The following AOPEP variants were observed in gnomAD, a reference collection of about 807,000 sequenced individuals.
AOPEP encodes the protein aminopeptidase O (putative), also known as aminopeptidase O.
In AOPEP, 77 loss-of-function variants were observed where a neutral mutation model predicts 98.1. The observed-to-expected ratio is 0.78, with a 90% confidence interval of 0.65 to 0.95. AOPEP has a LOEUF of 0.95. AOPEP is among the 40% of genes least tolerant of loss of function. The pLI is 0.00. For synonymous variants in AOPEP, 346 were observed against 365.3 expected, an observed-to-expected ratio of 0.95 and a Z score of 0.60; for missense variants, 1,024 against 1,024.7, an observed-to-expected ratio of 1.00 and a Z score of 0.01.
At chr9:94,925,434 T>C (rs949555178) in intron 6 of AOPEP, among the ~76,000 whole-genome samples, 2 of 152,266 alleles carry the variant, frequency 1.3e-5, no homozygotes, top group Admixed American at 6.5e-5. Flanking sequence ...AAATCTTATT[T>C]ATTTTTCACT....
the AOPEP span, among the ~76,000 whole-genome samples, chr9:95,116,234 C>T: frequency 3.3e-5 from 5 of 152,360 alleles, no homozygotes; most frequent in Admixed American, 6.5e-5. Context: ...TTAGGCTTTG[C>T]TGATCTGACC....
chr9:95,014,303 GAAAAAA>G (rs997841535), intron 13 of AOPEP, among the ~76,000 whole-genome samples: 1 of 147,544 alleles, frequency 6.8e-6, no homozygotes, highest in African/African-American at 2.5e-5. Flanking sequence ...CCCATCTCTA[GAAAAAA>G]AAAAGAACAC....
intron 5 of AOPEP, among the ~76,000 whole-genome samples, chr9:94,886,355 A>G (rs2048239061): frequency 6.6e-6 from 1 of 152,234 alleles, no homozygotes; most frequent in Admixed American, 6.5e-5. Flanking sequence ...GCTTTAGAAA[A>G]GATACCTATA....
intron 11 of AOPEP, among the ~76,000 whole-genome samples, chr9:95,003,082 T>C (rs2061667304): frequency 6.6e-6 from 1 of 152,056 alleles, no homozygotes; most frequent in African/African-American, 2.4e-5. Context: ...CAAGACAGGG[T>C]TTCCAGGTCT....
chr9:94,754,792 G>A (rs115952155), intron 1 of AOPEP, among the ~76,000 whole-genome samples: 2,474 of 152,306 alleles, frequency 0.016, 70 homozygotes, highest in African/African-American at 0.056. Flanking sequence ...AGTTAGAATC[G>A]TGAGGATACA....
intron 4 of AOPEP, among the ~76,000 whole-genome samples, chr9:94,794,577 G>C (rs1846490660): frequency 6.6e-6 from 1 of 151,718 alleles, no homozygotes. Flanking sequence ...TTCCTTTTTT[G>C]GCAGAAGGGA....
In AOPEP at chr9:95,005,220, G is replaced by T. The variant is rs757519991; in HGVS notation, c.2040G>T (p.Glu680Asp). 5 of 1,106,752 alleles carry T rather than the reference G, an allele frequency of 4.5e-6. No individual in the cohort carries two copies. The highest frequency in any genetic ancestry group is 1.7e-5 in the African/African-American group (1 of 59,986). The allele number at this position is 1,106,752 out of a possible 1,614,324, so 68.6% of individuals were successfully genotyped here. ...ECGLARQVRA[E>D]VTKWIGVNRR... ...GGCTTGCGCGGCAAGTGCGCGCCGA[G>T]GTGAGTGCGGGCGGCGCGGTCCCTG... Residue 680 changes from glutamate (E) to aspartate (D), a missense_variant and splice_region_variant, in exon 12 of 17, where the codon GAG (glutamate) becomes GAT (aspartate). By Grantham distance (45) the Glu-to-Asp change is conservative (BLOSUM62 2). Around this residue, in one of 3 missense-constraint regions of AOPEP, gnomAD observed 566 missense variants for 551.7 expected, o/e 1.03. Transcript: ENST00000375315.
the AOPEP span, among the ~76,000 whole-genome samples, chr9:95,132,087 C>T: frequency 6.6e-6 from 1 of 152,202 alleles, no homozygotes; most frequent in African/African-American, 2.4e-5. Context: ...TGGGCGCCTC[C>T]TCTGCTCCTT....
rs952176021 is a variant in AOPEP at position 94,930,885 on chromosome 9, G to A, written c.1661+2354G>A. 3.9e-5 allele frequency among the ~76,000 whole-genome samples: 6 copies of A among 152,122 alleles called. No individual in the cohort carries two copies. The highest frequency in any genetic ancestry group is 1.2e-4 in the African/African-American group (5 of 41,424). On this transcript the variant is annotated intron_variant, in intron 7 of 16. Transcript: ENST00000375315. This position sits in a 1 kb window ranked among gnomAD's most constrained non-coding sequence, Gnocchi z 4.5. The stretch of plus-strand genomic sequence containing the variant: ...CTGGGAAGGTAGCAGAGGGACATGA[G>A]GGCCAGAGAGGTTTGCTTTCAGGTA...
the AOPEP span, chr9:95,126,533 A>C: frequency 6.2e-7 from 1 of 1,613,968 alleles, no homozygotes; most frequent in Admixed American, 1.7e-5. Flanking sequence ...GTTTACCTGA[A>C]CATCTCATCA....
chr9:94,919,776 A>G lies in AOPEP; in HGVS notation c.1365-4210A>G, dbSNP rs563430720. Among the ~76,000 whole-genome samples, 211 of 152,220 alleles carry G rather than the reference A, an allele frequency of 1.4e-3. 2 individuals are homozygous for G. Among genetic ancestry groups the G allele is most frequent in the Middle Eastern group, 3.4e-3 (1 of 294 alleles). ...TAGCAAGTAATGAAGTCACACAAGCAGAAGCTGCTGCTCATGATTATAAGA... is the reference window on the plus strand; with the variant it reads ...TAGCAAGTAATGAAGTCACACAAGCGGAAGCTGCTGCTCATGATTATAAGA... On this transcript the variant is annotated intron_variant, in intron 5 of 16. Transcript: ENST00000375315.
intron 11 of AOPEP, among the ~76,000 whole-genome samples, chr9:94,991,112 TG>T (rs2060866469): frequency 1.3e-5 from 2 of 152,224 alleles, no homozygotes. Context: ...CTTTTTAGGC[TG>T]CTGCCCCCAC....
intron 13 of AOPEP, among the ~76,000 whole-genome samples, chr9:95,040,028 C>CA (rs1216300063): frequency 1.3e-5 from 2 of 152,348 alleles, no homozygotes; most frequent in East Asian, 3.9e-4. Context: ...TTGAGGAGCT[C>CA]AGAGGCACAG....
At chr9:95,012,050 A>G (rs962499048) in intron 13 of AOPEP, among the ~76,000 whole-genome samples, 3 of 152,252 alleles carry the variant, frequency 2.0e-5, no homozygotes, top group Admixed American at 1.3e-4. Context: ...GTATCAGATC[A>G]TGTAAATGTA....
chr9:94,960,571 G>C (rs1167354431), intron 9 of AOPEP, among the ~76,000 whole-genome samples: 1 of 151,986 alleles, frequency 6.6e-6, no homozygotes, highest in East Asian at 1.9e-4. Flanking sequence ...ATCTTGGCTT[G>C]TTAAAGGATT....
rs1829254860 is a variant in AOPEP at position 94,726,707 on chromosome 9, C to T, written c.-180C>T. The T allele has an allele frequency of 6.6e-6, 1 of 152,308 alleles. No homozygotes were observed. The highest frequency in any genetic ancestry group is 2.4e-5 in the African/African-American group (1 of 41,458). 9.4% of individuals were successfully genotyped at this position (152,308 alleles called of 1,614,324 possible). On this transcript the variant is annotated 5_prime_UTR_variant, in exon 1 of 17. Coordinates refer to ENST00000375315, the MANE Select transcript of AOPEP (RefSeq NM_001193329.3). ...GCGTGCCGGGGTAGCCCGTAGTAAC[C>T]CCGAGTCTGCGGAAGTGGTGACCCG...
chr9:94,946,862 A>G (rs1177329856), intron 7 of AOPEP, among the ~76,000 whole-genome samples: 2 of 152,140 alleles, frequency 1.3e-5, no homozygotes, highest in African/African-American at 2.4e-5. Context: ...CCCATGAAGC[A>G]TGGAGTGGAA....
At chr9:94,942,278 T>C (rs1564420764) in intron 7 of AOPEP, among the ~76,000 whole-genome samples, 1 of 152,234 alleles carries the variant, frequency 6.6e-6, no homozygotes, top group Non-Finnish European at 1.5e-5. Flanking sequence ...AGTGAGTGCT[T>C]TCTCATGTAA....
chr9:95,043,239 G>GATAGATAT lies in AOPEP; in HGVS notation c.2116-17452_2116-17451insGATATATA, dbSNP rs2065496323. On this transcript the variant is annotated intron_variant, in intron 13 of 16. Transcript: ENST00000375315. ...ATCTGTATATGTGCATATATATACA[G>GATAGATAT]ATATATACAGATATATATATACATA... 1.7e-4 allele frequency among the ~76,000 whole-genome samples: 4 copies of GATAGATAT among 22,904 alleles called. No homozygotes were observed. In the South Asian group the frequency reaches 6.2e-3, roughly 36 times the overall value. 15.0% of individuals were successfully genotyped at this position (22,904 alleles called of 152,430 possible).
Sources: gnomAD v4.1 joint callset for allele counts (sites outside exome capture counted in the v4.1 genomes callset) on GRCh38, gnomAD v4.1.1 for gene constraint, gnomAD v4.1.1 regional missense constraint, Gnocchi (gnomAD v3.1) non-coding constraint, MANE v1.5 for transcripts, NCBI Gene and HGNC (gene_info 2026-07-23, HGNC 2026-07-21) for gene names.